LRFN5: variants seen among roughly 807,000 people sequenced by gnomAD.
LRFN5 encodes the protein leucine rich repeat and fibronectin type III domain containing 5.
A neutral mutation model predicts 45.6 loss-of-function variants in LRFN5; 24 were observed. The observed-to-expected ratio is 0.53, with a 90% CI of 0.38 to 0.74. The LOEUF is 0.74. Among genes scored for constraint, LRFN5 ranks in the 30% least tolerant of loss-of-function variants. The pLI is 0.00. For missense variants in LRFN5, 776 were observed against 861.5 expected, an observed-to-expected ratio of 0.90 and a Z score of 1.24; for synonymous variants, 340 against 313.8, an observed-to-expected ratio of 1.08 and a Z score of -0.88.
At chr14:41,840,276 G>T (rs575436535) in intron 2 of LRFN5, among the ~76,000 whole-genome samples, 9 of 152,036 alleles carry the variant, frequency 5.9e-5, no homozygotes, top group African/African-American at 2.2e-4. Flanking sequence ...GTGTTAAAAA[G>T]GAATTCAAGC....
At chr14:41,735,455 A>C (rs1199802691) in intron 1 of LRFN5, among the ~76,000 whole-genome samples, 1 of 151,834 alleles carries the variant, frequency 6.6e-6, no homozygotes, top group Non-Finnish European at 1.5e-5. Flanking sequence ...TACTTTTAGC[A>C]GAGGATGGGT....
At chr14:41,901,442 GT>G (rs1891098116) in intron 5 of LRFN5, among the ~76,000 whole-genome samples, 2 of 150,234 alleles carry the variant, frequency 1.3e-5, no homozygotes, top group Non-Finnish European at 2.9e-5. Flanking sequence ...TTGTGTGTGT[GT>G]GTGTGTGTGT....
chr14:41,687,221 C>T (rs547745900), intron 1 of LRFN5, among the ~76,000 whole-genome samples: 1 of 152,224 alleles, frequency 6.6e-6, no homozygotes, highest in South Asian at 2.1e-4. Context: ...ATGCAGCCAA[C>T]AACCACATGA....
chr14:41,784,720 C>T (rs1886656112), intron 2 of LRFN5, among the ~76,000 whole-genome samples: 1 of 152,070 alleles, frequency 6.6e-6, no homozygotes, highest in South Asian at 2.1e-4. Flanking sequence ...GCTTCGCCTC[C>T]TGGGTTCAAA....
At chr14:41,731,494 T>C (rs1302775835) in intron 1 of LRFN5, 5 of 152,156 alleles carry the variant, frequency 3.3e-5, no homozygotes, top group African/African-American at 1.2e-4. Context: ...CTAATAATCA[T>C]AAAGCTAATA....
intron 2 of LRFN5, among the ~76,000 whole-genome samples, chr14:41,875,015 C>A (rs1566497433): frequency 6.6e-6 from 1 of 152,134 alleles, no homozygotes; most frequent in African/African-American, 2.4e-5. Context: ...TGGGTCCCTC[C>A]CATGACACAT....
At chr14:41,845,628 G>C (rs1889035717) in intron 2 of LRFN5, among the ~76,000 whole-genome samples, 1 of 152,030 alleles carries the variant, frequency 6.6e-6, no homozygotes, top group African/African-American at 2.4e-5. Context: ...AATGTGAAGA[G>C]AGAACCTAGT....
intron 1 of LRFN5, among the ~76,000 whole-genome samples, chr14:41,624,321 G>A (rs1483078026): frequency 6.6e-6 from 1 of 151,894 alleles, no homozygotes; most frequent in Non-Finnish European, 1.5e-5. Context: ...AAATTTCATT[G>A]CCACTATTTA....
chr14:41,725,664 T>C (rs560642963), intron 1 of LRFN5, among the ~76,000 whole-genome samples: 2 of 152,312 alleles, frequency 1.3e-5, no homozygotes, highest in South Asian at 4.1e-4. Context: ...TACTGTAAAT[T>C]GCCACATATG....
intron 2 of LRFN5, among the ~76,000 whole-genome samples, chr14:41,825,085 G>A (rs1888247824): frequency 6.6e-6 from 1 of 152,314 alleles, no homozygotes; most frequent in South Asian, 2.1e-4. Flanking sequence ...GCCCAGAACA[G>A]ATAGCTCTGC....
chr14:41,700,952 A>G (rs1882817500), intron 1 of LRFN5: 1 of 152,126 alleles, frequency 6.6e-6, no homozygotes, highest in African/African-American at 2.4e-5. Context: ...AGCTTATTAA[A>G]TAAGAAAACT....
chr14:41,784,325 A>G (rs1436395127), intron 2 of LRFN5, among the ~76,000 whole-genome samples: 1 of 152,090 alleles, frequency 6.6e-6, no homozygotes, highest in African/African-American at 2.4e-5. Flanking sequence ...TAATAGTGCC[A>G]ATCCTCCAAC....
intron 2 of LRFN5, among the ~76,000 whole-genome samples, chr14:41,876,277 C>CTT (rs34291427): frequency 0.2 from 20,405 of 100,420 alleles, 3,084 homozygotes; most frequent in Non-Finnish European, 0.23. Context: ...CTTTTTCTTT[C>CTT]TTTTTTTTTT....
intron 2 of LRFN5, among the ~76,000 whole-genome samples, chr14:41,804,810 C>T (rs921834877): frequency 6.6e-6 from 1 of 152,094 alleles, no homozygotes; most frequent in Non-Finnish European, 1.5e-5. Flanking sequence ...TTGATTTATT[C>T]TCTTATTTTC....
chr14:41,753,106 T>C (rs1362007777), intron 1 of LRFN5, among the ~76,000 whole-genome samples: 1 of 152,138 alleles, frequency 6.6e-6, no homozygotes, highest in East Asian at 1.9e-4. Flanking sequence ...GAGGGCTCTG[T>C]TCTGTTCCAT....
chr14:41,784,324 C>G (rs1313380869), intron 2 of LRFN5, among the ~76,000 whole-genome samples: 1 of 151,966 alleles, frequency 6.6e-6, no homozygotes, highest in Non-Finnish European at 1.5e-5. Context: ...CTAATAGTGC[C>G]AATCCTCCAA....
intron 1 of LRFN5, among the ~76,000 whole-genome samples, chr14:41,633,869 T>A (rs1160636619): frequency 6.6e-6 from 1 of 152,108 alleles, no homozygotes. Context: ...ATGTATGTTT[T>A]TTCCCTATGC....
intron 1 of LRFN5, among the ~76,000 whole-genome samples, chr14:41,738,601 C>A (rs1884549352): frequency 6.6e-6 from 1 of 152,070 alleles, no homozygotes; most frequent in Non-Finnish European, 1.5e-5. Context: ...TCATTCAATT[C>A]TCTTCTGGCC....
intron 1 of LRFN5, among the ~76,000 whole-genome samples, chr14:41,739,993 A>T (rs1884621695): frequency 1.3e-5 from 2 of 152,038 alleles, no homozygotes; most frequent in Admixed American, 6.6e-5. Context: ...TGACAAATAA[A>T]AAAGAAATAG....
Sources: allele counts gnomAD v4.1 joint callset (sites outside exome capture counted in the v4.1 genomes callset), GRCh38; gene constraint gnomAD v4.1.1; transcripts MANE v1.5; gene names NCBI Gene and HGNC (gene_info 2026-07-23, HGNC 2026-07-21).